RBPMS: variants seen among roughly 807,000 people sequenced by gnomAD.
RBPMS encodes RNA binding protein, mRNA processing factor.
In RBPMS, 7 loss-of-function variants were observed where a neutral mutation model predicts 26.8. That is an observed-to-expected ratio of 0.26 (90% CI 0.15 to 0.49). RBPMS has a LOEUF of 0.49. Ranked by LOEUF, RBPMS falls within the 20% of genes least tolerant of loss-of-function variation. RBPMS has a pLI of 0.98. For synonymous variants in RBPMS, 96 were observed against 93.3 expected, an observed-to-expected ratio of 1.03 and a Z score of -0.17; for missense variants, 186 against 250.0, an observed-to-expected ratio of 0.74 and a Z score of 1.73.
intron 4 of RBPMS, among the ~76,000 whole-genome samples, chr8:30,485,165 T>G (rs894963960): frequency 1.8e-4 from 28 of 152,350 alleles, no homozygotes; most frequent in African/African-American, 6.7e-4. Context: ...TTAGACAGTC[T>G]CTGTTTCCTG....
chr8:30,546,056 G>A (rs1355835349), intron 6 of RBPMS, among the ~76,000 whole-genome samples: 2 of 152,166 alleles, frequency 1.3e-5, no homozygotes, highest in African/African-American at 2.4e-5. Context: ...GGGATAAAAT[G>A]TAAACCTGTG....
At chr8:30,395,750 C>T (rs6988095) in intron 1 of RBPMS, among the ~76,000 whole-genome samples, 2 of 3,272 alleles carry the variant, frequency 6.1e-4, no homozygotes, top group African/African-American at 4.8e-3. Flanking sequence ...TTCATGTGAT[C>T]CGGGCCCTGC....
chr8:30,563,376 C>T (rs985505369), intron 7 of RBPMS, among the ~76,000 whole-genome samples: 3 of 152,152 alleles, frequency 2.0e-5, no homozygotes, highest in Admixed American at 6.5e-5. Context: ...TGAGAACAGG[C>T]GAGCATGAGC....
At chr8:30,561,412 C>CCATTCCA (rs1228791719) in intron 7 of RBPMS, among the ~76,000 whole-genome samples, 3 of 152,216 alleles carry the variant, frequency 2.0e-5, no homozygotes. Context: ...GAGCAGCTCC[C>CCATTCCA]TATTCCATGA....
chr8:30,430,601 A>C (rs1811825561), intron 1 of RBPMS, among the ~76,000 whole-genome samples: 1 of 152,242 alleles, frequency 6.6e-6, no homozygotes, highest in Non-Finnish European at 1.5e-5. Flanking sequence ...ATGCTGTATG[A>C]AGAGAGTAGT....
At position 30,477,398 on chromosome 8, in the gene RBPMS, G is replaced by A. The variant is rs540958208; in HGVS notation, c.145-401G>A. Among the ~76,000 whole-genome samples the A allele has an allele frequency of 1.3e-3, 198 of 152,268 alleles. 2 individuals are homozygous for A. The highest frequency in any genetic ancestry group is 0.012 in the South Asian group (57 of 4,810). ...TGTTGTTATTTTATAGCAGCTACAT[G>A]ACCAATACATGGCTCTGACCTTCCT... On this transcript the variant is annotated intron_variant, in intron 2 of 8. Transcript: ENST00000397323.
At chr8:30,448,606 G>T (rs1312266947) in intron 1 of RBPMS, among the ~76,000 whole-genome samples, 1 of 152,186 alleles carries the variant, frequency 6.6e-6, no homozygotes, top group Non-Finnish European at 1.5e-5. Context: ...ACTAGAAAAA[G>T]TATACAGAGA....
chr8:30,459,453 T>C (rs559100645), intron 1 of RBPMS, among the ~76,000 whole-genome samples: 155 of 152,268 alleles, frequency 1.0e-3, no homozygotes, highest in African/African-American at 3.6e-3. Flanking sequence ...GAAACATAAA[T>C]AGATTGTACA....
intron 1 of RBPMS, among the ~76,000 whole-genome samples, chr8:30,412,964 C>T (rs963566491): frequency 2.6e-5 from 4 of 152,152 alleles, no homozygotes; most frequent in African/African-American, 9.7e-5. Flanking sequence ...CACCCAAGAA[C>T]CGTATTTGTT....
chr8:30,544,704 C>T lies in RBPMS; in HGVS notation c.528+80C>T, dbSNP rs768032196. ...ACTTGGTTCCCGAGAGCACACCATA[C>T]AACTAACACCTATCCAGCTAACAGA... is the stretch of plus-strand genomic sequence containing the variant. On this transcript the variant is annotated intron_variant, in intron 6 of 8. Transcript: ENST00000397323. 36 of 1,604,896 alleles carry T rather than the reference C, an allele frequency of 2.2e-5. 1 individual carries two copies. The Middle Eastern group carries it at 8.3e-4, about 37-fold the overall frequency.
rs10655066 is a variant in RBPMS at position 30,431,357 on chromosome 8, C to CTCTTTCTT, written c.67-43414_67-43407dup. Among the ~76,000 whole-genome samples, 45 of 148,230 alleles carry CTCTTTCTT rather than the reference C, an allele frequency of 3.0e-4. 2 individuals carry two copies. Among genetic ancestry groups the CTCTTTCTT allele is most frequent in the South Asian group, 2.2e-3 (10 of 4,642 alleles). Reference sequence around the variant, plus strand: ...TTCTTTCTTTTCTTTTTTTTTCTTTCTCTTTCTTTCTTTCTCTCTCTTTCT... The same window carrying CTCTTTCTT: ...TTCTTTCTTTTCTTTTTTTTTCTTTCTCTTTCTTTCTTTCTTTCTTTCTCTCTCTTTCT... On this transcript the variant is annotated intron_variant, in intron 1 of 8. Transcript: ENST00000397323.
At chr8:30,520,304 AATCTCCATTGGTG>A (rs1288947149) in intron 5 of RBPMS, among the ~76,000 whole-genome samples, 3 of 152,148 alleles carry the variant, frequency 2.0e-5, no homozygotes, top group Admixed American at 6.5e-5. Flanking sequence ...GGTGCCTGGT[AATCTCCATTGGTG>A]ATCACTGTTT....
chr8:30,474,731 C>A, intron 1 of RBPMS, 48 bp from the exon 2 acceptor site: 1 of 1,068,748 alleles, frequency 9.4e-7, no homozygotes, highest in Non-Finnish European at 1.4e-6. Flanking sequence ...AGAGTTAACT[C>A]TCTGGAGTGT....
chr8:30,430,823 A>G (rs1198876244), intron 1 of RBPMS, among the ~76,000 whole-genome samples: 1 of 152,186 alleles, frequency 6.6e-6, no homozygotes, highest in Non-Finnish European at 1.5e-5. Flanking sequence ...AAAAATACCT[A>G]TGTCTTATAG....
intron 5 of RBPMS, 93 bp from the exon 6 acceptor site, chr8:30,544,401 T>C: frequency 8.0e-7 from 1 of 1,243,782 alleles, no homozygotes; most frequent in Non-Finnish European, 1.2e-6. Flanking sequence ...CTTCCGACAG[T>C]GATTGGGGCT....
intron 6 of RBPMS, among the ~76,000 whole-genome samples, chr8:30,549,804 T>TCTCC (rs1383466717): frequency 0.018 from 1,889 of 102,512 alleles, 43 homozygotes; most frequent in South Asian, 0.024. Context: ...CTCCCCTCTC[T>TCTCC]CCTCTCTCTC....
chr8:30,533,318 C>G (rs1293284452), intron 5 of RBPMS, among the ~76,000 whole-genome samples: 1 of 152,198 alleles, frequency 6.6e-6, no homozygotes, highest in Non-Finnish European at 1.5e-5. Context: ...GAAAGCAACT[C>G]TCAGGCAACA....
chr8:30,427,478 C>T (rs557867805), intron 1 of RBPMS, among the ~76,000 whole-genome samples: 6 of 152,324 alleles, frequency 3.9e-5, no homozygotes, highest in South Asian at 2.1e-4. Context: ...GAATGCCCTT[C>T]CATTCTTCCT....
At chr8:30,446,998 AG>A (rs1308747085) in intron 1 of RBPMS, 2 of 152,084 alleles carry the variant, frequency 1.3e-5, no homozygotes, top group African/African-American at 4.8e-5. Flanking sequence ...GTCATCTTCT[AG>A]GCAACAAGAA....
Sources: allele counts gnomAD v4.1 joint callset (sites outside exome capture counted in the v4.1 genomes callset), GRCh38; gene constraint gnomAD v4.1.1; transcripts MANE v1.5; gene names NCBI Gene and HGNC (gene_info 2026-07-23, HGNC 2026-07-21).